GPHN: variants seen among roughly 807,000 people sequenced by gnomAD.
The protein encoded by GPHN is gephyrin.
GPHN carries 17 observed loss-of-function variants against 95.5 expected under a neutral mutation model. The observed-to-expected ratio is 0.18, with a 90% CI of 0.12 to 0.27. The LOEUF (loss-of-function observed/expected upper bound fraction) is 0.27. Among genes scored for constraint, GPHN ranks in the 10% least tolerant of loss-of-function variants. The probability of loss-of-function intolerance (pLI) is 1.00; values close to 1 mark genes in which losing one functional copy is unlikely to be tolerated. For missense variants in GPHN, 660 were observed against 978.1 expected, an observed-to-expected ratio of 0.67 and a Z score of 4.34; for synonymous variants, 320 against 322.5, an observed-to-expected ratio of 0.99 and a Z score of 0.08.
chr14:67,664,563 C>A, the GPHN span, among the ~76,000 whole-genome samples: 1 of 150,858 alleles, frequency 6.6e-6, no homozygotes, highest in Non-Finnish European at 1.5e-5. Context: ...GTGGCTCGGT[C>A]TCGGTTCACT....
rs33964494 is a variant in GPHN at position 66,736,402 on chromosome 14, C to CT, written c.144-40049dup. Among the ~76,000 whole-genome samples, 810 of 128,850 alleles carry CT rather than the reference C, an allele frequency of 6.3e-3. 2 individuals are homozygous for CT. Among genetic ancestry groups the CT allele is most frequent in the Non-Finnish European group, 9.3e-3 (567 of 61,292 alleles). 84.5% of individuals were successfully genotyped at this position (128,850 alleles called of 152,430 possible). A position where few individuals can be genotyped will look rare whatever the true frequency, so the allele number is the denominator to read the frequency against. ...TAACTGTTTTCTTTCTTTTTTTTTT[C>CT]TTTTTTTTTTTTTGAGATGGAGTTT... On this transcript the variant is annotated intron_variant, in intron 2 of 22. Coordinates refer to ENST00000478722, the MANE Select transcript of GPHN (RefSeq NM_020806.5).
chr14:66,688,863 A>G (rs1185206544), intron 2 of GPHN, among the ~76,000 whole-genome samples: 1 of 143,558 alleles, frequency 7.0e-6, no homozygotes, highest in Non-Finnish European at 1.5e-5. Flanking sequence ...GAGTTTAACA[A>G]TGAGAACACA....
At chr14:66,575,385 T>G (rs569632092) in intron 1 of GPHN, among the ~76,000 whole-genome samples, 65 of 152,380 alleles carry the variant, frequency 4.3e-4, no homozygotes, top group Non-Finnish European at 7.3e-5. Context: ...CTTTGCCATT[T>G]GAGAATTTAA....
chr14:67,576,028 C>T, the GPHN span: 9 of 1,572,138 alleles, frequency 5.7e-6, no homozygotes, highest in African/African-American at 2.7e-5. This position sits in a 1 kb window ranked among gnomAD's most constrained non-coding sequence, Gnocchi z 4.0. Context: ...GCTGGGCCTC[C>T]AGGGCCAAGC....
chr14:67,323,265 A>ATATATATG, the GPHN span, among the ~76,000 whole-genome samples: 1 of 132,272 alleles, frequency 7.6e-6, no homozygotes, highest in East Asian at 2.0e-4. Flanking sequence ...GTGTGTGTAT[A>ATATATATG]TATATATATG....
chr14:67,587,242 C>A, the GPHN span: 1 of 1,613,514 alleles, frequency 6.2e-7, no homozygotes, highest in East Asian at 2.2e-5. Context: ...GTGAATATTT[C>A]TCCTACCCGA....
intron 13 of GPHN, among the ~76,000 whole-genome samples, chr14:67,106,976 G>T (rs1361059891): frequency 1.3e-5 from 2 of 152,008 alleles, no homozygotes; most frequent in African/African-American, 2.4e-5. Flanking sequence ...TTGTAGAGAC[G>T]CCTGTAGTTG....
chr14:67,094,377 A>G (rs1032814892), intron 12 of GPHN, among the ~76,000 whole-genome samples: 1 of 152,194 alleles, frequency 6.6e-6, no homozygotes, highest in African/African-American at 2.4e-5. Context: ...CATAATGCAT[A>G]TGCCATTAGG....
the GPHN span, chr14:67,317,478 T>C: frequency 5.6e-6 from 9 of 1,597,820 alleles, no homozygotes; most frequent in Middle Eastern, 1.7e-4. Flanking sequence ...ATAAAAATGA[T>C]GGTAAGTTCT....
intron 13 of GPHN, among the ~76,000 whole-genome samples, chr14:67,105,069 T>G (rs1282502199): frequency 6.6e-6 from 1 of 152,116 alleles, no homozygotes; most frequent in Non-Finnish European, 1.5e-5. Context: ...GGAAATCTAT[T>G]TATCTCTTAA....
chr14:66,762,882 CAG>C (rs754910104), intron 2 of GPHN, among the ~76,000 whole-genome samples: 2 of 152,088 alleles, frequency 1.3e-5, no homozygotes, highest in African/African-American at 2.4e-5. Context: ...CAGTGTTAAA[CAG>C]GGGAGTTTCT....
the GPHN span, among the ~76,000 whole-genome samples, chr14:67,505,849 G>T: frequency 1.3e-5 from 2 of 151,996 alleles, no homozygotes; most frequent in Non-Finnish European, 2.9e-5. Flanking sequence ...ACAGGCGCCC[G>T]CCACCATGCC....
At chr14:67,715,469 G>T in the GPHN span, among the ~76,000 whole-genome samples, 2 of 152,244 alleles carry the variant, frequency 1.3e-5, no homozygotes, top group Non-Finnish European at 2.9e-5. Flanking sequence ...AAGCCCTTGA[G>T]TTGGCAGAAG....
the GPHN span, chr14:67,332,941 C>T: frequency 1.0e-5 from 16 of 1,606,522 alleles, no homozygotes; most frequent in East Asian, 1.3e-4. Flanking sequence ...GGGTACCATC[C>T]ACTTGGCTGA....
At chr14:66,661,032 C>A (rs1189503366) in intron 1 of GPHN, among the ~76,000 whole-genome samples, 1 of 152,164 alleles carries the variant, frequency 6.6e-6, no homozygotes, top group Non-Finnish European at 1.5e-5. Flanking sequence ...TGCATGGAGA[C>A]CCGGGAACTT....
At chr14:67,625,697 A>AG in the GPHN span, among the ~76,000 whole-genome samples, 7 of 149,140 alleles carry the variant, frequency 4.7e-5, no homozygotes, top group East Asian at 4.5e-4. Flanking sequence ...AAAAAAAAAA[A>AG]AAAGAAACTG....
the GPHN span, chr14:67,572,318 G>T: frequency 6.5e-7 from 1 of 1,533,374 alleles, no homozygotes. Context: ...GAAGCAGAAT[G>T]CAGCAGAGGC....
rs372909510 is a variant in GPHN at position 66,896,052 on chromosome 14, G to A, written c.389+16019G>A. Among the ~76,000 whole-genome samples the A allele has an allele frequency of 7.0e-4, 107 of 152,172 alleles. 3 individuals carry two copies. The South Asian group carries it at 0.022, about 32-fold the overall frequency. On this transcript the variant is annotated intron_variant, in intron 5 of 22. Transcript: ENST00000478722. ...TGGCCCTTTCTTGCTGCATCTTCAC[G>A]TGGTAGAAGGGGCAAACTAGCTCCT...
the GPHN span, among the ~76,000 whole-genome samples, chr14:67,676,427 C>CA: frequency 4.6e-5 from 7 of 151,916 alleles, no homozygotes; most frequent in Admixed American, 2.0e-4. Context: ...GGGGCAGGTG[C>CA]AAAAAAAGGA....
Sources: gnomAD v4.1 joint callset for allele counts (sites outside exome capture counted in the v4.1 genomes callset) on GRCh38, gnomAD v4.1.1 for gene constraint, Gnocchi (gnomAD v3.1) non-coding constraint, MANE v1.5 for transcripts, NCBI Gene and HGNC (gene_info 2026-07-23, HGNC 2026-07-21) for gene names.